The following PCOLCE2 variants were observed in gnomAD, a reference collection of about 807,000 sequenced individuals.
PCOLCE2 encodes the protein procollagen C-proteinase enhancer 2.
Under a neutral mutation model 47.0 loss-of-function variants are expected in PCOLCE2, and 42 were observed. That is an observed-to-expected ratio of 0.89 (90% CI 0.70 to 1.16). The LOEUF is 1.16. Ranked by LOEUF, PCOLCE2 falls within the 50% of genes most tolerant of loss-of-function variation. PCOLCE2 has a pLI of 0.00. For synonymous variants in PCOLCE2, 169 were observed against 191.7 expected, an observed-to-expected ratio of 0.88 and a Z score of 0.98; for missense variants, 500 against 526.1, an observed-to-expected ratio of 0.95 and a Z score of 0.49.
In PCOLCE2 at chr3:142,843,061, A is replaced by C; in HGVS notation, c.449-13T>G. ...CAATACTGATCCCCTTCAAGTATTA[A>C]ACAAGGAAAAAAGCCCACAAGTTTA... is the stretch of plus-strand genomic sequence containing the variant. On this transcript the variant is annotated splice_polypyrimidine_tract_variant and intron_variant, in intron 3 of 8. Transcript: ENST00000295992. 6.2e-7 allele frequency: 1 copy of C among 1,610,968 alleles called. No individual in the cohort carries two copies. The highest frequency in any genetic ancestry group is 8.5e-7 in the Non-Finnish European group (1 of 1,178,648).
At chr3:142,874,938 C>T (rs181735567) in intron 2 of PCOLCE2, among the ~76,000 whole-genome samples, 72 of 152,282 alleles carry the variant, frequency 4.7e-4, no homozygotes, top group Non-Finnish European at 8.7e-4. Flanking sequence ...TGATAATTCC[C>T]TTCTGACTTC....
At chr3:142,827,871 T>C (rs1435157428) in intron 6 of PCOLCE2, 11 of 508,020 alleles carry the variant, frequency 2.2e-5, no homozygotes, top group Non-Finnish European at 2.5e-5. Flanking sequence ...CACCTCCGAA[T>C]CCAGTTCTCT....
intron 5 of PCOLCE2, 141 bp downstream of exon 5, chr3:142,838,629 C>T (rs886695312): frequency 1.4e-5 from 10 of 700,524 alleles, no homozygotes; most frequent in Admixed American, 2.6e-5. Flanking sequence ...TACAGCAGTG[C>T]GAGAACTAAT....
chr3:142,882,627 A>C (rs913580310), intron 2 of PCOLCE2, among the ~76,000 whole-genome samples: 3 of 151,440 alleles, frequency 2.0e-5, no homozygotes, highest in African/African-American at 7.3e-5. Flanking sequence ...CCCAGCCTGG[A>C]GTGCAACGGT....
At chr3:142,841,070 G>A (rs1020622949) in intron 4 of PCOLCE2, among the ~76,000 whole-genome samples, 2 of 122,784 alleles carry the variant, frequency 1.6e-5, no homozygotes, top group African/African-American at 6.7e-5. Context: ...GCAAGACTCC[G>A]TCTCAAAAAA....
intron 2 of PCOLCE2, among the ~76,000 whole-genome samples, chr3:142,882,734 T>C (rs1933650044): frequency 6.6e-6 from 1 of 152,052 alleles, no homozygotes; most frequent in East Asian, 2.0e-4. Context: ...CATGAGCCAC[T>C]GCACCTGGCC....
chr3:142,884,603 C>A (rs567149143), intron 2 of PCOLCE2, among the ~76,000 whole-genome samples: 80 of 152,170 alleles, frequency 5.3e-4, no homozygotes, highest in Non-Finnish European at 1.0e-3. Flanking sequence ...AGAACACATA[C>A]AGTAAAAGTA....
chr3:142,852,752 T>A (rs755087776), intron 2 of PCOLCE2, among the ~76,000 whole-genome samples: 47 of 148,138 alleles, frequency 3.2e-4, no homozygotes, highest in Non-Finnish European at 5.1e-4. Context: ...TAATATATAT[T>A]TTAATATATA....
intron 2 of PCOLCE2, among the ~76,000 whole-genome samples, chr3:142,871,981 A>G (rs1477187268): frequency 6.6e-6 from 1 of 151,982 alleles, no homozygotes; most frequent in Non-Finnish European, 1.5e-5. Context: ...CTCTCCTCCC[A>G]TCTTCACCCT....
intron 7 of PCOLCE2, among the ~76,000 whole-genome samples, chr3:142,822,382 GC>G (rs1937025553): frequency 6.6e-6 from 1 of 152,004 alleles, no homozygotes; most frequent in Non-Finnish European, 1.5e-5. Context: ...TGGTCATTTT[GC>G]CATGTAAGCG....
intron 4 of PCOLCE2, 85 bp from the exon 5 acceptor site, chr3:142,838,991 G>T: frequency 9.5e-7 from 1 of 1,052,080 alleles, no homozygotes; most frequent in South Asian, 1.6e-5. Flanking sequence ...CCCCAGATTT[G>T]GAGGATACTA....
At chr3:142,821,812 G>A (rs971447097) in intron 7 of PCOLCE2, among the ~76,000 whole-genome samples, 1 of 151,808 alleles carries the variant, frequency 6.6e-6, no homozygotes. Flanking sequence ...AGCCACAGAA[G>A]GAAAGATGTT....
At chr3:142,836,814 G>C (rs968612035) in intron 5 of PCOLCE2, among the ~76,000 whole-genome samples, 3 of 151,952 alleles carry the variant, frequency 2.0e-5, no homozygotes, top group African/African-American at 7.2e-5. Flanking sequence ...AAAAAGAGGA[G>C]GGTTAATAAA....
chr3:142,822,270 A>G (rs1937024221), intron 7 of PCOLCE2, among the ~76,000 whole-genome samples: 1 of 152,074 alleles, frequency 6.6e-6, no homozygotes, highest in Non-Finnish European at 1.5e-5. Context: ...AGCAGTTCCT[A>G]GTTATTGTGA....
At chr3:142,850,791 G>A (rs1046598596) in intron 2 of PCOLCE2, among the ~76,000 whole-genome samples, 13 of 126,640 alleles carry the variant, frequency 1.0e-4, no homozygotes, top group African/African-American at 3.9e-4. Context: ...CTGTGAAGAT[G>A]AACAGAATAA....
At chr3:142,863,035 T>C (rs528644400) in intron 2 of PCOLCE2, among the ~76,000 whole-genome samples, 6 of 150,282 alleles carry the variant, frequency 4.0e-5, no homozygotes, top group Non-Finnish European at 8.8e-5. Flanking sequence ...GTTGTATTAG[T>C]TCCCATTTTT....
At chr3:142,846,488 C>G (rs989792948) in intron 3 of PCOLCE2, among the ~76,000 whole-genome samples, 20 of 152,232 alleles carry the variant, frequency 1.3e-4, no homozygotes, top group Non-Finnish European at 2.6e-4. Context: ...GCATGAGCCA[C>G]TACGCTCAGC....
chr3:142,865,959 A>G (rs1166322306), intron 2 of PCOLCE2, among the ~76,000 whole-genome samples: 1 of 152,236 alleles, frequency 6.6e-6, no homozygotes, highest in East Asian at 1.9e-4. Flanking sequence ...CGGATAGGCA[A>G]ACAGATCAAT....
intron 5 of PCOLCE2, 71 bp from the exon 6 acceptor site, chr3:142,829,917 T>C: frequency 1.2e-6 from 1 of 863,558 alleles, no homozygotes; most frequent in African/African-American, 1.7e-5. Flanking sequence ...TAAAATTTTC[T>C]AGTTTTCCAT....
Sources: allele counts gnomAD v4.1 joint callset (sites outside exome capture counted in the v4.1 genomes callset), GRCh38; gene constraint gnomAD v4.1.1; transcripts MANE v1.5; gene names NCBI Gene and HGNC (gene_info 2026-07-23, HGNC 2026-07-21).